The following IL17RD variants were observed in gnomAD, a reference collection of about 807,000 sequenced individuals.
The protein encoded by IL17RD is interleukin-17 receptor D.
IL17RD carries 52 observed loss-of-function variants against 80.5 expected under a neutral mutation model. The ratio of observed to expected loss-of-function variants is 0.65; its 90% CI spans 0.52 to 0.81. The LOEUF (loss-of-function observed/expected upper bound fraction) is 0.81, where lower values mean the gene tolerates loss of function less well. Among genes scored for constraint, IL17RD ranks in the 40% least tolerant of loss-of-function variants. IL17RD has a pLI of 0.00. For missense variants in IL17RD, 1,024 were observed against 955.1 expected, an observed-to-expected ratio of 1.07 and a Z score of -0.95; for synonymous variants, 416 against 391.8, an observed-to-expected ratio of 1.06 and a Z score of -0.73.
chr3:57,115,919 A>G (rs1707205607), intron 2 of IL17RD, among the ~76,000 whole-genome samples: 1 of 152,146 alleles, frequency 6.6e-6, no homozygotes, highest in Non-Finnish European at 1.5e-5. Context: ...CTCCCTGTAG[A>G]GTCTCCCTGC....
intron 2 of IL17RD, among the ~76,000 whole-genome samples, chr3:57,118,472 A>G (rs1360477852): frequency 1.3e-5 from 2 of 152,192 alleles, no homozygotes; most frequent in African/African-American, 4.8e-5. Flanking sequence ...TTGATTCATA[A>G]CCCTGTCCAA....
At chr3:57,169,390 C>T (rs958934113), upstream of IL17RD, 2 of 346,828 alleles carry the variant, frequency 5.8e-6, no homozygotes, top group African/African-American at 2.2e-5. Flanking sequence ...CTCTTTGGAA[C>T]AAAGCTGAGA....
intron 1 of IL17RD, among the ~76,000 whole-genome samples, chr3:57,127,505 A>G (rs1707521490): frequency 1.3e-5 from 2 of 148,982 alleles, no homozygotes; most frequent in South Asian, 4.2e-4. Flanking sequence ...TCCTGGGTTC[A>G]AGAGATTTTT....
upstream of IL17RD, among the ~76,000 whole-genome samples, chr3:57,167,450 G>T (rs2060353259): frequency 6.6e-6 from 1 of 152,150 alleles, no homozygotes; most frequent in Non-Finnish European, 1.5e-5. Context: ...AGGATGTCCA[G>T]CGTTTGGCCA....
At chr3:57,105,550 A>ATATATATATATATATATAT (rs1210429108) in intron 7 of IL17RD, among the ~76,000 whole-genome samples, 8 of 80,392 alleles carry the variant, frequency 1.0e-4, no homozygotes, top group African/African-American at 6.1e-4. Flanking sequence ...AAAAAAAAAA[A>ATATATATATATATATATAT]AAATATATAT....
intron 1 of IL17RD, among the ~76,000 whole-genome samples, chr3:57,128,012 G>A (rs1450466745): frequency 3.3e-5 from 5 of 152,144 alleles, no homozygotes; most frequent in Admixed American, 6.6e-5. Flanking sequence ...AACGCAAAAC[G>A]CAGGGAAAAT....
Position 57,165,334 on chromosome 3 carries a change from G to A in IL17RD, c.-48C>T, listed in dbSNP as rs2107551592. The A allele has an allele frequency of 5.4e-6, 7 of 1,292,992 alleles. No homozygotes were observed. The highest frequency in any genetic ancestry group is 2.7e-4 in the Middle Eastern group (1 of 3,644). 80.1% of individuals were successfully genotyped at this position (1,292,992 alleles called of 1,614,324 possible). On this transcript the variant is annotated 5_prime_UTR_variant, in exon 1 of 13. Transcript: ENST00000296318. ...GCCGTTCTCTGCGCCCCGGCCGCCC[G>A]CCGCTGGCCAGCCCCGAGTGGGCGG...
intron 11 of IL17RD, among the ~76,000 whole-genome samples, chr3:57,100,563 G>A (rs1042218676): frequency 2.0e-5 from 3 of 152,182 alleles, no homozygotes; most frequent in Admixed American, 6.5e-5. Context: ...TTCTGGGAGT[G>A]CTCCCTTCCT....
At position 57,092,624 on chromosome 3, in the gene IL17RD, T is replaced by C. The variant is rs1205775660; in HGVS notation, c.*3769A>G. On this transcript the variant is annotated 3_prime_UTR_variant, in exon 13 of 13. Coordinates refer to ENST00000296318, the MANE Select transcript of IL17RD (RefSeq NM_017563.5). ...AAATGAAATTGTTCCCAGCATTTTT[T>C]AAATTGAGAGAGCATAAATCTGATT... 6.6e-6 allele frequency: 1 copy of C among 152,116 alleles called. No homozygotes were observed. Among genetic ancestry groups the C allele is most frequent in the East Asian group, 1.9e-4 (1 of 5,196 alleles). The allele number at this position is 152,116 out of a possible 1,614,324, so 9.4% of individuals were successfully genotyped here.
intron 1 of IL17RD, among the ~76,000 whole-genome samples, chr3:57,151,482 G>A (rs539173623): frequency 6.6e-6 from 1 of 152,256 alleles, no homozygotes; most frequent in South Asian, 2.1e-4. Flanking sequence ...ATGTCTTGGA[G>A]AGTTTCATGG....
At chr3:57,116,458 AT>A (rs36120665) in intron 2 of IL17RD, among the ~76,000 whole-genome samples, 123,862 of 151,134 alleles carry the variant, frequency 0.82, 51,865 homozygotes, top group South Asian at 0.95. Flanking sequence ...TAATTTTTGT[AT>A]TTTTTAGTAG....
In IL17RD at chr3:57,098,517, C is replaced by T. The variant is rs747048757; in HGVS notation, c.1186G>A (p.Asp396Asn). The stretch of plus-strand genomic sequence containing the variant: ...TGCCCTTCTCTACAGAGGCTGAAGT[C>T]TTCCCACAGGTCCAGAGCCACCTGG... Reference protein sequence around the residue: ...GCEVALDLWEDFSLCREGQRE... With the variant: ...GCEVALDLWENFSLCREGQRE... The change falls in exon 12 of 13, where the codon GAC (aspartate) becomes AAC (asparagine). Residue 396 changes from aspartate to asparagine, a missense_variant. Asp to Asn is a conservative substitution (Grantham distance 23). Coordinates refer to ENST00000296318, the MANE Select transcript of IL17RD (RefSeq NM_017563.5). 7.8e-5 allele frequency: 126 copies of T among 1,606,588 alleles called. No individual in the cohort carries two copies. Among genetic ancestry groups the T allele is most frequent in the Non-Finnish European group, 1.1e-4 (125 of 1,175,558 alleles).
intron 1 of IL17RD, among the ~76,000 whole-genome samples, chr3:57,123,502 G>C (rs1707384036): frequency 6.6e-6 from 1 of 152,148 alleles, no homozygotes. Context: ...CCCCTCCCCT[G>C]GTGGGCTGCT....
At chr3:57,117,113 A>ATTTTTT (rs11422909) in intron 2 of IL17RD, among the ~76,000 whole-genome samples, 1 of 136,136 alleles carries the variant, frequency 7.3e-6, no homozygotes. Flanking sequence ...AAGTTTAAGA[A>ATTTTTT]TTTTTTTTTT....
chr3:57,111,065 A>G (rs1707086456), intron 3 of IL17RD, among the ~76,000 whole-genome samples: 1 of 152,246 alleles, frequency 6.6e-6, no homozygotes, highest in Admixed American at 6.5e-5. Context: ...AAGCGCCAGC[A>G]CCGGGTTTGT....
chr3:57,126,048 C>T (rs1013226307), intron 1 of IL17RD, among the ~76,000 whole-genome samples: 1 of 152,234 alleles, frequency 6.6e-6, no homozygotes, highest in African/African-American at 2.4e-5. Flanking sequence ...TGTTGACCAG[C>T]TTTGTAAACT....
At chr3:57,113,369 C>T (rs955544596) in intron 3 of IL17RD, among the ~76,000 whole-genome samples, 1 of 152,152 alleles carries the variant, frequency 6.6e-6, no homozygotes, top group African/African-American at 2.4e-5. Context: ...CCCTAAGTAA[C>T]TGGGATTACA....
chr3:57,114,088 G>A (rs1707158765), intron 3 of IL17RD, among the ~76,000 whole-genome samples: 1 of 151,836 alleles, frequency 6.6e-6, no homozygotes, highest in African/African-American at 2.4e-5. Context: ...GGCAGCTGAG[G>A]CAGGAGAATC....
Position 57,165,313 on chromosome 3 carries a change from T to C in IL17RD, c.-27A>G. ...GCCGTGCGCTCGCCCAGCCAGGCCG[T>C]TCTCTGCGCCCCGGCCGCCCGCCGC... On this transcript the variant is annotated 5_prime_UTR_variant, in exon 1 of 13. Coordinates refer to ENST00000296318, the MANE Select transcript of IL17RD (RefSeq NM_017563.5). The C allele has an allele frequency of 7.3e-7, 1 of 1,363,164 alleles. No individual in the cohort carries two copies. Among genetic ancestry groups the C allele is most frequent in the Non-Finnish European group, 9.5e-7 (1 of 1,052,704 alleles). The allele number at this position is 1,363,164 out of a possible 1,614,324, so 84.4% of individuals were successfully genotyped here.
Sources: allele counts gnomAD v4.1 joint callset (sites outside exome capture counted in the v4.1 genomes callset), GRCh38; gene constraint gnomAD v4.1.1; transcripts MANE v1.5; gene names NCBI Gene and HGNC (gene_info 2026-07-23, HGNC 2026-07-21).